FBN1: variants seen among roughly 807,000 people sequenced by gnomAD.
FBN1 encodes fibrillin-1.
Under a neutral mutation model 365.1 loss-of-function variants are expected in FBN1, and 29 were observed. The ratio of observed to expected loss-of-function variants is 0.08; its 90% CI spans 0.06 to 0.11. FBN1 has a LOEUF of 0.11. Ranked by LOEUF, FBN1 falls within the 10% of genes least tolerant of loss-of-function variation. The probability of loss-of-function intolerance (pLI) is 1.00; values close to 1 mark genes in which losing one functional copy is unlikely to be tolerated. For synonymous variants in FBN1, 1,210 were observed against 1,270.5 expected (o/e 0.95, Z 1.01); for missense variants, 2,476 against 3,703.2 (o/e 0.67, Z 8.60).
intron 64 of FBN1, 122 bp from the exon 65 acceptor site, chr15:48,412,865 G>C: frequency 8.7e-7 from 1 of 1,154,484 alleles, no homozygotes; most frequent in Non-Finnish European, 1.3e-6. Context: ...TTGTCCACTG[G>C]AGGATCAGCT....
intron 38 of FBN1, among the ~76,000 whole-genome samples, chr15:48,466,465 T>C (rs2043322797): frequency 6.6e-6 from 1 of 152,242 alleles, no homozygotes; most frequent in African/African-American, 2.4e-5. Flanking sequence ...CCAAGTATTT[T>C]ACCCAGAAAC....
intron 2 of FBN1, among the ~76,000 whole-genome samples, chr15:48,619,715 C>G (rs1424683143): frequency 6.6e-6 from 1 of 151,386 alleles, no homozygotes; most frequent in East Asian, 1.9e-4. Flanking sequence ...TTTTTTTTTA[C>G]CAACCCAAAG....
chr15:48,597,214 T>C (rs1467045079), intron 5 of FBN1, among the ~76,000 whole-genome samples: 2 of 152,194 alleles, frequency 1.3e-5, no homozygotes, highest in Non-Finnish European at 2.9e-5. Context: ...CATTACCCTA[T>C]AGCAGCCATG....
Position 48,468,046 on chromosome 15 carries a change from T to C in FBN1, c.4639A>G (p.Thr1547Ala), listed in dbSNP as rs2043337594. Residue 1547 changes from threonine to alanine, a missense_variant, in exon 38 of 66, where the codon ACA becomes GCA. Transcript: ENST00000316623. ...DIRPRGDNGD[T>A]ACSNEIGVGV... ...ACTCCAATTTCATTGCTGCAGGCTG[T>C]ATCTCCATTGTCTCCTCGAGGTCGA... The C allele has an allele frequency of 1.9e-6, 3 of 1,614,070 alleles. No homozygotes were observed. In the Admixed American group the frequency reaches 5.0e-5, roughly 27 times the overall value.
chr15:48,578,077 T>C (rs147373570), intron 6 of FBN1, among the ~76,000 whole-genome samples: 137 of 152,316 alleles, frequency 9.0e-4, no homozygotes, highest in Non-Finnish European at 1.4e-3. Flanking sequence ...TATGTATTTT[T>C]GGACAGAGAA....
At position 48,436,676 on chromosome 15, in the gene FBN1, T is replaced by C. The variant is rs548940599; in HGVS notation, c.6496+285A>G. 3.3e-4 allele frequency among the ~76,000 whole-genome samples: 50 copies of C among 152,330 alleles called. No individual in the cohort carries two copies. In the South Asian group the frequency reaches 0.01, roughly 32 times the overall value. ...ACTTTCATTATGATGTTGTCCTTTC[T>C]AGTATCTCTTCTGATATGTCCAGTG... On this transcript the variant is annotated intron_variant, in intron 53 of 65. Coordinates refer to ENST00000316623, the MANE Select transcript of FBN1 (RefSeq NM_000138.5).
At chr15:48,513,442 A>G (rs924185207) in intron 13 of FBN1, 107 bp downstream of exon 13, 43 of 1,513,446 alleles carry the variant, frequency 2.8e-5, no homozygotes, top group Middle Eastern at 1.7e-4. Flanking sequence ...ACGGGACTGT[A>G]TTAGTCTCTT....
At chr15:48,579,490 G>A (rs1417709101) in intron 6 of FBN1, among the ~76,000 whole-genome samples, 1 of 152,072 alleles carries the variant, frequency 6.6e-6, no homozygotes, top group East Asian at 1.9e-4. Flanking sequence ...GAAGAAGGTT[G>A]ACATTTTCAT....
At chr15:48,463,020 C>A in intron 42 of FBN1, 62 bp downstream of exon 42, 1 of 1,524,388 alleles carries the variant, frequency 6.6e-7, no homozygotes. Flanking sequence ...GACTGATTTC[C>A]CCAACAATTC....
intron 51 of FBN1, 124 bp downstream of exon 51, chr15:48,437,644 C>T (rs2043083651): frequency 9.1e-7 from 1 of 1,094,770 alleles, no homozygotes; most frequent in Non-Finnish European, 1.3e-6. Context: ...TTTTAATGAA[C>T]ATTCTAATTA....
intron 6 of FBN1, among the ~76,000 whole-genome samples, chr15:48,578,926 C>A (rs2044370192): frequency 6.9e-6 from 1 of 145,286 alleles, no homozygotes; most frequent in South Asian, 2.3e-4. Flanking sequence ...TTAGTGGGTG[C>A]AGCACACCAG....
intron 6 of FBN1, among the ~76,000 whole-genome samples, chr15:48,580,322 G>T (rs949894116): frequency 6.6e-6 from 1 of 152,118 alleles, no homozygotes; most frequent in Non-Finnish European, 1.5e-5. Flanking sequence ...TATGAAACAC[G>T]TGGTAGAGCC....
intron 9 of FBN1, among the ~76,000 whole-genome samples, chr15:48,523,741 G>T (rs1216309529): frequency 1.4e-5 from 2 of 146,546 alleles, no homozygotes; most frequent in East Asian, 2.0e-4. Flanking sequence ...GTGGTGGTAT[G>T]TCACTTTGTA....
intron 22 of FBN1, among the ~76,000 whole-genome samples, chr15:48,494,877 G>C (rs1037641659): frequency 1.3e-5 from 2 of 152,206 alleles, no homozygotes; most frequent in Non-Finnish European, 2.9e-5. Flanking sequence ...GAGCTGGCAG[G>C]CACTGGTGCT....
intron 6 of FBN1, among the ~76,000 whole-genome samples, chr15:48,562,868 C>T (rs1003783537): frequency 1.3e-5 from 2 of 152,156 alleles, no homozygotes; most frequent in Non-Finnish European, 1.5e-5. Context: ...GTTTGGAGGA[C>T]TCTAAAATTT....
At chr15:48,435,642 C>T (rs2043059624) in intron 53 of FBN1, among the ~76,000 whole-genome samples, 2 of 148,970 alleles carry the variant, frequency 1.3e-5, no homozygotes, top group Admixed American at 1.3e-4. Flanking sequence ...GCGGAGAGAA[C>T]AAATCTTTGA....
intron 3 of FBN1, 101 bp downstream of exon 3, chr15:48,612,909 G>A (rs906123023): frequency 1.0e-5 from 9 of 870,992 alleles, no homozygotes; most frequent in African/African-American, 1.6e-5. Context: ...ACTATCAACA[G>A]ATTAATAGTA....
intron 3 of FBN1, among the ~76,000 whole-genome samples, chr15:48,611,611 A>G (rs557571812): frequency 6.6e-6 from 1 of 152,138 alleles, no homozygotes; most frequent in Non-Finnish European, 1.5e-5. Flanking sequence ...TTCCATCAAC[A>G]GTCTGAGAGA....
At chr15:48,602,758 T>C (rs779106174) in intron 4 of FBN1, among the ~76,000 whole-genome samples, 2 of 152,196 alleles carry the variant, frequency 1.3e-5, no homozygotes, top group East Asian at 1.9e-4. Context: ...AATCTGTCTA[T>C]ACGTATACAA....
Sources: allele counts gnomAD v4.1 joint callset (sites outside exome capture counted in the v4.1 genomes callset), GRCh38; gene constraint gnomAD v4.1.1; transcripts MANE v1.5; gene names NCBI Gene and HGNC (gene_info 2026-07-23, HGNC 2026-07-21).